Variants in CC2D2A observed in about 807,000 individuals in gnomAD.
The protein encoded by CC2D2A is coiled-coil and C2 domain-containing protein 2A.
In CC2D2A, 155 loss-of-function variants were observed where a neutral mutation model predicts 212.9. The ratio of observed to expected loss-of-function variants is 0.73; its 90% CI spans 0.64 to 0.83. CC2D2A has a LOEUF of 0.83. Ranked by LOEUF, CC2D2A falls within the 40% of genes least tolerant of loss-of-function variation. CC2D2A has a pLI of 0.00. For missense variants in CC2D2A, 1,856 were observed against 1,956.2 expected (o/e 0.95, Z 0.97); for synonymous variants, 667 against 686.5 (o/e 0.97, Z 0.44).
chr4:15,482,438 T>C (rs1229400690), intron 4 of CC2D2A: 1 of 427,358 alleles, frequency 2.3e-6, no homozygotes, highest in Non-Finnish European at 3.1e-6. Flanking sequence ...GGTGCCAGCA[T>C]GGCCGGTTTC....
chr4:15,481,370 G>A (rs1714644403), intron 4 of CC2D2A: 2 of 361,480 alleles, frequency 5.5e-6, no homozygotes, highest in Non-Finnish European at 1.1e-5. Flanking sequence ...AATTAGCCAG[G>A]CGTGGTGGCG....
intron 30 of CC2D2A, among the ~76,000 whole-genome samples, chr4:15,585,368 T>C (rs1577395833): frequency 1.3e-5 from 2 of 152,136 alleles, no homozygotes; most frequent in Admixed American, 6.5e-5. Flanking sequence ...CTGGTGGGCA[T>C]GTTAAGTGAA....
rs377404804 is a variant in CC2D2A, at chr4:15,567,756, G to A, written c.3368G>A (p.Ser1123Asn). The A allele has an allele frequency of 2.2e-5, 35 of 1,598,652 alleles. No homozygotes were observed. The African/African-American group carries it at 3.9e-4, about 18-fold the overall frequency. The change falls in exon 26 of 37, where the codon AGC becomes AAC. Residue 1123 changes from serine to asparagine, a missense_variant. Ser to Asn is a conservative substitution (Grantham distance 46). This residue lies in a region of CC2D2A where 1,512 missense variants were observed against 1,579.3 expected (regional missense o/e 0.96). Coordinates refer to ENST00000424120, the MANE Select transcript of CC2D2A (RefSeq NM_001378615.1). ...ACTACGGCTGAAGGACCAAACCCTAGCTGGAATGAAGAACTAGAACTTCCA... is the reference window on the plus strand; with the variant it reads ...ACTACGGCTGAAGGACCAAACCCTAACTGGAATGAAGAACTAGAACTTCCA... ...HTTTAEGPNP[S>N]WNEELELPFR... is the part of the protein sequence containing the mutation.
chr4:15,527,062 T>A (rs374375920), intron 11 of CC2D2A, among the ~76,000 whole-genome samples: 1 of 152,260 alleles, frequency 6.6e-6, no homozygotes. Flanking sequence ...ATCCAAATAA[T>A]GATCGGTTTG....
intron 28 of CC2D2A, 66 bp from the exon 29 acceptor site, chr4:15,574,084 C>G (rs1720288128): frequency 7.5e-7 from 1 of 1,335,624 alleles, no homozygotes; most frequent in Non-Finnish European, 1.0e-6. Flanking sequence ...GAGGAGTTGA[C>G]ACTTGCCTCT....
chr4:15,557,201 C>A (rs1577374152), intron 20 of CC2D2A, 103 bp from the exon 21 acceptor site: 1 of 648,768 alleles, frequency 1.5e-6, no homozygotes, highest in Non-Finnish European at 2.6e-6. Flanking sequence ...TCTTTCAAGT[C>A]TTTTAATCTA....
chr4:15,481,150 G>A (rs150845067), intron 4 of CC2D2A: 5 of 464,072 alleles, frequency 1.1e-5, no homozygotes, highest in Non-Finnish European at 2.2e-5. Flanking sequence ...GAATTGGTTG[G>A]TGTTGTCCTC....
intron 17 of CC2D2A, among the ~76,000 whole-genome samples, chr4:15,547,218 A>C (rs868655454): frequency 6.6e-6 from 1 of 152,180 alleles, no homozygotes; most frequent in Non-Finnish European, 1.5e-5. Context: ...TATGGGGTAC[A>C]TGTGGTATTT....
At chr4:15,522,438 C>T (rs774852489) in intron 11 of CC2D2A, among the ~76,000 whole-genome samples, 33 of 151,888 alleles carry the variant, frequency 2.2e-4, no homozygotes, top group African/African-American at 7.5e-4. Context: ...ATGGATCATG[C>T]GCCCTCCTAT....
intron 13 of CC2D2A, among the ~76,000 whole-genome samples, 184 bp downstream of exon 13, chr4:15,528,910 T>C (rs563678920): frequency 6.6e-6 from 1 of 152,262 alleles, no homozygotes; most frequent in African/African-American, 2.4e-5. Context: ...AATGAGGATG[T>C]AAGGAAATGG....
At chr4:15,601,088 T>C in intron 36 of CC2D2A, 149 bp from the exon 37 acceptor site, 1 of 679,556 alleles carries the variant, frequency 1.5e-6, no homozygotes. Flanking sequence ...GCTCTCGATT[T>C]TCTGTATTGC....
chr4:15,546,399 C>T (rs1039396310), intron 17 of CC2D2A, among the ~76,000 whole-genome samples: 1 of 152,152 alleles, frequency 6.6e-6, no homozygotes, highest in Non-Finnish European at 1.5e-5. Context: ...AATTTTTTAA[C>T]ATTATCATTT....
intron 4 of CC2D2A, among the ~76,000 whole-genome samples, chr4:15,485,395 T>C (rs1463693359): frequency 2.0e-5 from 3 of 152,238 alleles, no homozygotes; most frequent in African/African-American, 7.2e-5. Flanking sequence ...GATACTTAGG[T>C]TAATTCCGTA....
chr4:15,550,386 G>A (rs1718935104), intron 17 of CC2D2A, among the ~76,000 whole-genome samples: 2 of 152,202 alleles, frequency 1.3e-5, no homozygotes, highest in Admixed American at 1.3e-4. Flanking sequence ...TGCATATGGA[G>A]CTTCTCCGAC....
In CC2D2A at chr4:15,557,469, C is replaced by G; in HGVS notation, c.2791C>G (p.Pro931Ala). ...VPEFRNYKQV[P>A]VYDREIMEKV... ...AGAATTCCGAAATTATAAGCAAGTTCCAGTCTATGACCGAGAAATTATGGA... is the reference window on the plus strand; with the variant it reads ...AGAATTCCGAAATTATAAGCAAGTTGCAGTCTATGACCGAGAAATTATGGA... Residue 931 changes from proline (P) to alanine (A), a missense_variant, in exon 21 of 37, where the codon CCA becomes GCA. This residue lies in a region of CC2D2A where 1,512 missense variants were observed against 1,579.3 expected (regional missense o/e 0.96). Transcript: ENST00000424120. 6.2e-7 allele frequency: 1 copy of G among 1,611,670 alleles called. No individual in the cohort carries two copies. The highest frequency in any genetic ancestry group is 8.5e-7 in the Non-Finnish European group (1 of 1,178,984).
In CC2D2A at chr4:15,599,215, C is replaced by T. The variant is rs188066794; in HGVS notation, c.4497-314C>T. On this transcript the variant is annotated intron_variant, in intron 35 of 36. Transcript: ENST00000424120. Reference sequence around the variant, plus strand: ...CTGCATGTATTGAATTCAGCTATCCCCAAGTCATTCAGTACTCCCTCTTCT... The same window carrying T: ...CTGCATGTATTGAATTCAGCTATCCTCAAGTCATTCAGTACTCCCTCTTCT... 1.4e-3 allele frequency among the ~76,000 whole-genome samples: 207 copies of T among 152,204 alleles called. 5 individuals are homozygous for T. The highest frequency in any genetic ancestry group is 0.013 in the Admixed American group (205 of 15,288).
At chr4:15,536,859 T>C in intron 14 of CC2D2A, 61 bp from the exon 15 acceptor site, 1 of 1,512,348 alleles carries the variant, frequency 6.6e-7, no homozygotes, top group Middle Eastern at 1.7e-4. Flanking sequence ...GTATTTGCTG[T>C]TATTATTGCT....
chr4:15,550,394 G>A (rs923935898), intron 17 of CC2D2A, among the ~76,000 whole-genome samples: 3 of 152,158 alleles, frequency 2.0e-5, no homozygotes, highest in South Asian at 2.1e-4. Flanking sequence ...GAGCTTCTCC[G>A]ACTGACTTGG....
intron 6 of CC2D2A, among the ~76,000 whole-genome samples, chr4:15,503,575 T>A (rs1716091728): frequency 6.6e-6 from 1 of 152,166 alleles, no homozygotes; most frequent in Non-Finnish European, 1.5e-5. Context: ...GATCCATGGA[T>A]CTTCCTGGAA....
Sources: allele counts gnomAD v4.1 joint callset (sites outside exome capture counted in the v4.1 genomes callset), GRCh38; gene constraint gnomAD v4.1.1; regional missense constraint gnomAD v4.1.1; transcripts MANE v1.5; gene names NCBI Gene and HGNC (gene_info 2026-07-23, HGNC 2026-07-21).